Variants in ADARB2 observed in about 807,000 individuals in gnomAD.
The protein encoded by ADARB2 is inactive double-stranded RNA-specific editase B2.
Under a neutral mutation model 62.2 loss-of-function variants are expected in ADARB2, and 25 were observed. The ratio of observed to expected loss-of-function variants is 0.40; its 90% CI spans 0.29 to 0.56. The LOEUF (loss-of-function observed/expected upper bound fraction) is 0.56. Ranked by LOEUF, ADARB2 falls within the 20% of genes least tolerant of loss-of-function variation. The pLI is 0.43. For synonymous variants in ADARB2, 572 were observed against 500.8 expected, an observed-to-expected ratio of 1.14 and a Z score of -1.90; for missense variants, 1,071 against 1,077.4, an observed-to-expected ratio of 0.99 and a Z score of 0.08.
chr10:1,583,862 C>T (rs1833138739), intron 1 of ADARB2, among the ~76,000 whole-genome samples: 1 of 152,160 alleles, frequency 6.6e-6, no homozygotes, highest in Non-Finnish European at 1.5e-5. Flanking sequence ...AATAGACCCA[C>T]ACAAATACAG....
At chr10:1,300,628 A>G (rs1279753173) in intron 3 of ADARB2, among the ~76,000 whole-genome samples, 1 of 152,252 alleles carries the variant, frequency 6.6e-6, no homozygotes, top group Admixed American at 6.5e-5. Context: ...CTCCCTGAGC[A>G]TAGCAATTGT....
Position 1,434,285 on chromosome 10 carries a change from G to T in ADARB2, c.101-55125C>A, listed in dbSNP as rs530176901. Among the ~76,000 whole-genome samples, 27 of 152,342 alleles carry T rather than the reference G, an allele frequency of 1.8e-4. No homozygotes were observed. The South Asian group carries it at 5.6e-3, about 32-fold the overall frequency. On this transcript the variant is annotated intron_variant, in intron 1 of 9. Coordinates refer to ENST00000381312, the MANE Select transcript of ADARB2 (RefSeq NM_018702.4). ...TCCACATTAACTGTAATTTGAAAAT[G>T]TTTTGCCTCTCACCGCTTTCTGCGT...
At chr10:1,269,946 G>C (rs934376304) in intron 4 of ADARB2, among the ~76,000 whole-genome samples, 5 of 152,202 alleles carry the variant, frequency 3.3e-5, no homozygotes, top group African/African-American at 1.2e-4. Flanking sequence ...GGTGGGGCTG[G>C]TATATTTATA....
At chr10:1,405,095 C>A (rs1419661859) in intron 1 of ADARB2, among the ~76,000 whole-genome samples, 1 of 152,150 alleles carries the variant, frequency 6.6e-6, no homozygotes, top group Non-Finnish European at 1.5e-5. Flanking sequence ...CATGCGGGGG[C>A]CCAGCTGACA....
intron 1 of ADARB2, among the ~76,000 whole-genome samples, chr10:1,626,436 C>G (rs1214255887): frequency 6.6e-6 from 1 of 151,932 alleles, no homozygotes; most frequent in African/African-American, 2.4e-5. Flanking sequence ...CGGACGCTAA[C>G]CCCACGTCTG....
chr10:1,351,388 A>G (rs3001043), intron 3 of ADARB2, among the ~76,000 whole-genome samples: 79,504 of 150,416 alleles, frequency 0.53, 21,644 homozygotes, highest in East Asian at 0.91. Context: ...TAACTGTTGT[A>G]GGTATTGACG....
chr10:1,213,507 CT>C (rs1404463382), intron 7 of ADARB2, among the ~76,000 whole-genome samples: 1 of 151,944 alleles, frequency 6.6e-6, no homozygotes, highest in African/African-American at 2.4e-5. Context: ...GGGCACCCCC[CT>C]GTCCACTGCA....
chr10:1,636,916 T>C (rs923955398), intron 1 of ADARB2, among the ~76,000 whole-genome samples: 6 of 149,680 alleles, frequency 4.0e-5, no homozygotes, highest in Non-Finnish European at 8.9e-5. Context: ...CTATGTAGAA[T>C]ATATATAATA....
intron 7 of ADARB2, among the ~76,000 whole-genome samples, chr10:1,206,055 CCGCTTCCGATTATTTTCAGT>C (rs1404568249): frequency 2.0e-5 from 3 of 152,228 alleles, no homozygotes; most frequent in African/African-American, 7.2e-5. Flanking sequence ...GGATATTCAG[CCGCTTCCGATTATTTTCAGT>C]AAATTACTTC....
At chr10:1,607,151 A>T (rs1833504356) in intron 1 of ADARB2, among the ~76,000 whole-genome samples, 1 of 152,262 alleles carries the variant, frequency 6.6e-6, no homozygotes, top group African/African-American at 2.4e-5. Context: ...TTTGATAAAT[A>T]AAATGAAACT....
intron 1 of ADARB2, among the ~76,000 whole-genome samples, chr10:1,711,487 C>G (rs1323915781): frequency 3.3e-5 from 5 of 152,200 alleles, no homozygotes; most frequent in African/African-American, 9.6e-5. Flanking sequence ...TTTTGTTCTT[C>G]TGCTCTTTGA....
chr10:1,495,300 A>G, intron 1 of ADARB2, among the ~76,000 whole-genome samples: 1 of 152,250 alleles, frequency 6.6e-6, no homozygotes, highest in Non-Finnish European at 1.5e-5. Flanking sequence ...TTCAAGTTGT[A>G]TATCAAATAC....
At position 1,426,318 on chromosome 10, in the gene ADARB2, A is replaced by G. The variant is rs1325412447; in HGVS notation, c.101-47158T>C. On this transcript the variant is annotated intron_variant, in intron 1 of 9. Coordinates refer to ENST00000381312, the MANE Select transcript of ADARB2 (RefSeq NM_018702.4). The surrounding 1 kb of genome is among the most constrained non-coding windows in gnomAD (Gnocchi z 4.1). Reference sequence around the variant, plus strand: ...TACAGTTCTGTTGTCGTCACTGTGTATAAACAGAACAAGGAGAGAACTGCC... The same window carrying G: ...TACAGTTCTGTTGTCGTCACTGTGTGTAAACAGAACAAGGAGAGAACTGCC... 6.6e-6 allele frequency among the ~76,000 whole-genome samples: 1 copy of G among 152,174 alleles called. No homozygotes were observed. Among genetic ancestry groups the G allele is most frequent in the Non-Finnish European group, 1.5e-5 (1 of 68,026 alleles).
intron 2 of ADARB2, among the ~76,000 whole-genome samples, chr10:1,378,120 T>C (rs1171412122): frequency 6.6e-6 from 1 of 152,230 alleles, no homozygotes; most frequent in Non-Finnish European, 1.5e-5. Flanking sequence ...ATGTCTCGTC[T>C]TCTTTGTTAA....
intron 1 of ADARB2, among the ~76,000 whole-genome samples, chr10:1,708,000 G>A (rs758216178): frequency 2.1e-4 from 32 of 152,268 alleles, no homozygotes; most frequent in Non-Finnish European, 3.2e-4. Context: ...ATGTGTTAAA[G>A]CCTAAGACCC....
rs71491371 is a variant in ADARB2 at position 1,340,758 on chromosome 10, T to C, written c.1077+22270A>G. 3.5e-3 allele frequency among the ~76,000 whole-genome samples: 281 copies of C among 81,236 alleles called. 1 individual carries two copies. Among genetic ancestry groups the C allele is most frequent in the African/African-American group, 0.014 (228 of 15,950 alleles). The allele number at this position is 81,236 out of a possible 152,430, so 53.3% of individuals were successfully genotyped here. ...AACCAGCATCCACCAGAGAACCACGTGCCCCACAGCGGCGATAACCAGCAT... is the reference window on the plus strand; with the variant it reads ...AACCAGCATCCACCAGAGAACCACGCGCCCCACAGCGGCGATAACCAGCAT... On this transcript the variant is annotated intron_variant, in intron 3 of 9. Coordinates refer to ENST00000381312, the MANE Select transcript of ADARB2 (RefSeq NM_018702.4).
chr10:1,323,158 C>CTA (rs938862099), intron 3 of ADARB2, among the ~76,000 whole-genome samples: 3 of 151,724 alleles, frequency 2.0e-5, no homozygotes, highest in African/African-American at 7.3e-5. Flanking sequence ...AGAACTGCAT[C>CTA]TGAATCTGAG....
chr10:1,482,702 A>G (rs1299873788), intron 1 of ADARB2, among the ~76,000 whole-genome samples: 1 of 152,220 alleles, frequency 6.6e-6, no homozygotes, highest in African/African-American at 2.4e-5. Flanking sequence ...TGAAACACCC[A>G]CATACCCAGC....
chr10:1,366,414 G>A (rs1485644552), intron 2 of ADARB2, among the ~76,000 whole-genome samples: 2 of 152,196 alleles, frequency 1.3e-5, no homozygotes, highest in Non-Finnish European at 2.9e-5. Flanking sequence ...GCTTCTGGAA[G>A]GCTCCATGAG....
Sources: allele counts gnomAD v4.1 joint callset (sites outside exome capture counted in the v4.1 genomes callset), GRCh38; gene constraint gnomAD v4.1.1; non-coding constraint Gnocchi (gnomAD v3.1); transcripts MANE v1.5; gene names NCBI Gene and HGNC (gene_info 2026-07-23, HGNC 2026-07-21).